Variants in RABGAP1 observed in about 807,000 individuals in gnomAD.
RABGAP1 encodes RAB GTPase activating protein 1, also known as rab GTPase-activating protein 1.
A neutral mutation model predicts 137.6 loss-of-function variants in RABGAP1; 23 were observed. The observed-to-expected ratio is 0.17, with a 90% CI of 0.12 to 0.24. The LOEUF (loss-of-function observed/expected upper bound fraction) is 0.24, where lower values mean the gene tolerates loss of function less well. RABGAP1 is among the 10% of genes least tolerant of loss of function. The pLI is 1.00. For missense variants in RABGAP1, 906 were observed against 1,275.8 expected, an observed-to-expected ratio of 0.71 and a Z score of 4.42; for synonymous variants, 451 against 450.7, an observed-to-expected ratio of 1.00 and a Z score of -0.01.
chr9:123,057,530 G>T (rs1052527904), intron 13 of RABGAP1, among the ~76,000 whole-genome samples: 6 of 151,648 alleles, frequency 4.0e-5, no homozygotes, highest in African/African-American at 1.5e-4. Flanking sequence ...CTTCCTAGGT[G>T]GGATGGCGGC....
At chr9:123,065,279 T>TG in intron 13 of RABGAP1, 69 bp from the exon 14 acceptor site, 1 of 1,116,184 alleles carries the variant, frequency 9.0e-7, no homozygotes, top group East Asian at 2.4e-5. Context: ...GAGAAGACCT[T>TG]GCCTAAACCT....
chr9:123,004,309 T>G (rs1254860609), intron 10 of RABGAP1, among the ~76,000 whole-genome samples: 1 of 152,192 alleles, frequency 6.6e-6, no homozygotes, highest in African/African-American at 2.4e-5. Context: ...TTTTGTTTTT[T>G]TTTTCCTTCA....
chr9:123,003,865 C>G (rs574857289), intron 10 of RABGAP1, among the ~76,000 whole-genome samples: 2 of 152,236 alleles, frequency 1.3e-5, no homozygotes, highest in South Asian at 4.1e-4. Flanking sequence ...ATTCTTATAA[C>G]TATAGAATAA....
chr9:123,013,279 G>A (rs2030963039), intron 11 of RABGAP1, among the ~76,000 whole-genome samples: 1 of 151,992 alleles, frequency 6.6e-6, no homozygotes, highest in South Asian at 2.1e-4. Flanking sequence ...TTAGAAAGTA[G>A]GGCCAGTCTT....
At chr9:122,946,625 G>T (rs997019864) in intron 1 of RABGAP1, among the ~76,000 whole-genome samples, 6 of 152,162 alleles carry the variant, frequency 3.9e-5, no homozygotes, top group Non-Finnish European at 7.4e-5. Flanking sequence ...TGTTCCCAGG[G>T]ATAGCTTCTA....
Position 122,942,688 on chromosome 9 carries a change from A to AAAAC in RABGAP1, c.-50+1595_-50+1596insAAAC, listed in dbSNP as rs57695214. ...CCGTCTCAAAAAAAAAAAAAAAAAA[A>AAAAC]CACAAAAAAACAAAATAGGGAAGAG... On this transcript the variant is annotated intron_variant, in intron 1 of 25. Transcript: ENST00000373647. 1.1e-4 allele frequency among the ~76,000 whole-genome samples: 15 copies of AAAAC among 132,930 alleles called. 1 individual carries two copies. The highest frequency in any genetic ancestry group is 3.9e-4 in the African/African-American group (15 of 38,606). 87.2% of individuals were successfully genotyped at this position (132,930 alleles called of 152,430 possible).
At chr9:122,976,960 T>G (rs1003363932) in intron 2 of RABGAP1, among the ~76,000 whole-genome samples, 1 of 152,116 alleles carries the variant, frequency 6.6e-6, no homozygotes, top group Admixed American at 6.5e-5. Flanking sequence ...AAAGTATGGG[T>G]GCTTGAAAGT....
chr9:123,082,247 A>T (rs2797452), intron 19 of RABGAP1, among the ~76,000 whole-genome samples: 148,744 of 152,224 alleles, frequency 0.98, 72,773 homozygotes, highest in East Asian at 1. Flanking sequence ...CTGCTCCTAA[A>T]CTAAAATTTA....
rs1214765169 is a variant in RABGAP1 at position 123,104,335 on chromosome 9, G to C, written c.*1122G>C. ...GGGCTGGGCCTTTGGGCCCTCCTCA[G>C]AGTATGCCTGGGTACAAACCTCACT... On this transcript the variant is annotated 3_prime_UTR_variant, in exon 26 of 26. Transcript: ENST00000373647. 6.6e-6 allele frequency: 1 copy of C among 152,126 alleles called. No individual in the cohort carries two copies. The highest frequency in any genetic ancestry group is 1.5e-5 in the Non-Finnish European group (1 of 68,016). The allele number at this position is 152,126 out of a possible 1,614,324, so 9.4% of individuals were successfully genotyped here. A position where few individuals can be genotyped will look rare whatever the true frequency, so the allele number is the denominator to read the frequency against.
intron 13 of RABGAP1, among the ~76,000 whole-genome samples, chr9:123,033,220 TAAAGG>T (rs1385204001): frequency 2.6e-5 from 4 of 152,208 alleles, no homozygotes; most frequent in African/African-American, 9.6e-5. Context: ...GCCATACACT[TAAAGG>T]AAGTTAACAT....
At chr9:122,938,543 T>C (rs1432851086), upstream of RABGAP1, 1 of 152,252 alleles carries the variant, frequency 6.6e-6, no homozygotes, top group African/African-American at 2.4e-5. Flanking sequence ...TTGGTAGGCA[T>C]TGAAACAGAC....
upstream of RABGAP1, among the ~76,000 whole-genome samples, chr9:122,940,551 T>A (rs145288885): frequency 2.2e-4 from 33 of 152,330 alleles, no homozygotes; most frequent in African/African-American, 7.2e-4. Flanking sequence ...ACCATCACAA[T>A]CCCTGACACA....
intron 12 of RABGAP1, among the ~76,000 whole-genome samples, chr9:123,019,591 A>G (rs972385529): frequency 6.6e-6 from 1 of 152,166 alleles, no homozygotes; most frequent in South Asian, 2.1e-4. Flanking sequence ...GTGGAACTAC[A>G]TGAGTCACCA....
In RABGAP1 at chr9:123,068,695, C is replaced by CTA. The variant is rs1554727483; in HGVS notation, c.1909-1654_1909-1653insAT. On this transcript the variant is annotated intron_variant, in intron 14 of 25. Coordinates refer to ENST00000373647, the MANE Select transcript of RABGAP1 (RefSeq NM_012197.4). ...TCCTGTAGCCTTCTTATCAGATAAA[C>CTA]TGAAGAAATGGGTGTGGTATAATAA... 2.0e-5 allele frequency among the ~76,000 whole-genome samples: 3 copies of CTA among 152,296 alleles called. No homozygotes were observed. In the East Asian group the frequency reaches 5.8e-4, roughly 29 times the overall value.
chr9:122,951,915 C>T (rs1257348583), intron 1 of RABGAP1, among the ~76,000 whole-genome samples: 1 of 152,156 alleles, frequency 6.6e-6, no homozygotes, highest in Non-Finnish European at 1.5e-5. Context: ...GCATTTTATG[C>T]TGGGGTACAT....
intron 11 of RABGAP1, among the ~76,000 whole-genome samples, chr9:123,011,816 G>A (rs1274592341): frequency 3.3e-5 from 5 of 152,082 alleles, no homozygotes; most frequent in Non-Finnish European, 7.3e-5. Context: ...TTAGCTGGGT[G>A]TGATGGCGCA....
intron 2 of RABGAP1, among the ~76,000 whole-genome samples, chr9:122,965,154 A>G (rs550369689): frequency 6.6e-6 from 1 of 152,356 alleles, no homozygotes; most frequent in South Asian, 2.1e-4. Context: ...AATATTATTA[A>G]GCCATAAAAT....
intron 24 of RABGAP1, among the ~76,000 whole-genome samples, chr9:123,100,032 C>T (rs1170229654): frequency 6.6e-6 from 1 of 152,100 alleles, no homozygotes; most frequent in East Asian, 1.9e-4. Context: ...CTATGTTGCC[C>T]AGGCTGGCCT....
At chr9:122,972,871 C>A (rs910195347) in intron 2 of RABGAP1, among the ~76,000 whole-genome samples, 2 of 151,700 alleles carry the variant, frequency 1.3e-5, no homozygotes, top group South Asian at 4.2e-4. Context: ...CGTGATGGCT[C>A]ACACCTGTAA....
Sources: allele counts gnomAD v4.1 joint callset (sites outside exome capture counted in the v4.1 genomes callset), GRCh38; gene constraint gnomAD v4.1.1; transcripts MANE v1.5; gene names NCBI Gene and HGNC (gene_info 2026-07-23, HGNC 2026-07-21).